CPNE7: variants seen among roughly 807,000 people sequenced by gnomAD.
The protein encoded by CPNE7 is copine-7.
CPNE7 carries 78 observed loss-of-function variants against 66.5 expected under a neutral mutation model. That is an observed-to-expected ratio of 1.17 (90% confidence interval 0.98 to 1.42). The LOEUF (loss-of-function observed/expected upper bound fraction) is 1.42. Ranked by LOEUF, CPNE7 falls within the 40% of genes most tolerant of loss-of-function variation. The pLI is 0.00. For missense variants in CPNE7, 1,012 were observed against 776.6 expected (o/e 1.30, Z -3.60); for synonymous variants, 468 against 336.7 (o/e 1.39, Z -4.27).
chr16:89,591,536 C>T lies in CPNE7; in HGVS notation c.1302+276C>T, dbSNP rs73264937. ...TCTTCCTCTGGGCACCACAAGGCCGCGCACATGTCTACTGTTTGGCTGTGT... is the reference window on the plus strand; with the variant it reads ...TCTTCCTCTGGGCACCACAAGGCCGTGCACATGTCTACTGTTTGGCTGTGT... On this transcript the variant is annotated intron_variant, in intron 13 of 14. Coordinates refer to ENST00000319518, the MANE Select transcript of CPNE7 (RefSeq NM_153636.3). Among the ~76,000 whole-genome samples the T allele has an allele frequency of 4.8e-3, 726 of 152,314 alleles. 10 individuals are homozygous for T. The highest frequency in any genetic ancestry group is 0.017 in the African/African-American group (704 of 41,558).
chr16:89,591,694 C>CT (rs2151457092), intron 13 of CPNE7, among the ~76,000 whole-genome samples: 1 of 152,154 alleles, frequency 6.6e-6, no homozygotes, highest in East Asian at 1.9e-4. Context: ...CTGCTGCTTT[C>CT]TTTTCTTTTC....
intron 10 of CPNE7, 54 bp from the exon 11 acceptor site, chr16:89,589,843 T>C (rs464349): frequency 0.54 from 867,052 of 1,598,050 alleles, 237,167 homozygotes; most frequent in South Asian, 0.66. Flanking sequence ...AAGTGGCCCC[T>C]GTTGCAGCCA....
Position 89,577,667 on chromosome 16 carries a change from C to A in CPNE7, c.303C>A (p.Gly101=). The A allele has an allele frequency of 6.3e-7, 1 of 1,599,790 alleles. No individual in the cohort carries two copies. Residue 101 remains glycine (G), a synonymous_variant, in exon 2 of 15, where the codon GGC becomes GGA. Coordinates refer to ENST00000319518, the MANE Select transcript of CPNE7 (RefSeq NM_153636.3). ...TGTACGACACGCATGGGCCCAGCGG[C>A]TTCAGCTGTCAGGAGGACGATTTCC... ...FEVYDTHGPS[G]FSCQEDDFLG... is the part of the protein sequence containing the mutation.
intron 11 of CPNE7, among the ~76,000 whole-genome samples, chr16:89,590,524 T>G (rs2059151145): frequency 6.6e-6 from 1 of 151,584 alleles, no homozygotes; most frequent in Non-Finnish European, 1.5e-5. Flanking sequence ...GACTCTGTTT[T>G]AAAAAAGAAA....
At chr16:89,593,292 C>T (rs191211010) in intron 13 of CPNE7, among the ~76,000 whole-genome samples, 1 of 152,014 alleles carries the variant, frequency 6.6e-6, no homozygotes, top group South Asian at 2.1e-4. Flanking sequence ...AAAAACTTGG[C>T]ACTGCACACA....
chr16:89,591,497 G>A (rs1020622067), intron 13 of CPNE7, among the ~76,000 whole-genome samples: 1 of 152,200 alleles, frequency 6.6e-6, no homozygotes, highest in Non-Finnish European at 1.5e-5. Flanking sequence ...GCTGCAGCGA[G>A]GCTGCCCCTC....
intron 2 of CPNE7, among the ~76,000 whole-genome samples, chr16:89,580,656 C>G (rs1379528726): frequency 7.4e-6 from 1 of 135,708 alleles, no homozygotes. Flanking sequence ...CATCACCCGT[C>G]ACATGGAACA....
intron 11 of CPNE7, among the ~76,000 whole-genome samples, chr16:89,590,401 T>C (rs2059149517): frequency 6.6e-6 from 1 of 151,992 alleles, no homozygotes; most frequent in East Asian, 1.9e-4. Context: ...GGCACATGCT[T>C]GTAATCCCAG....
chr16:89,596,729 A>G lies in CPNE7; in HGVS notation c.*108A>G. 2 of 1,273,900 alleles carry G rather than the reference A, an allele frequency of 1.6e-6. No homozygotes were observed. Among genetic ancestry groups the G allele is most frequent in the South Asian group, 3.6e-5 (2 of 55,348 alleles). 78.9% of individuals were successfully genotyped at this position (1,273,900 alleles called of 1,614,324 possible). A position where few individuals can be genotyped will look rare whatever the true frequency, so the allele number is the denominator to read the frequency against. On this transcript the variant is annotated 3_prime_UTR_variant, in exon 15 of 15. Transcript: ENST00000319518. Reference sequence around the variant, plus strand: ...TCCCTCCGACCTCCCAGAAGCCTCCAGTCCCCACCAGGCCCCACTCCCAGT... The same window carrying G: ...TCCCTCCGACCTCCCAGAAGCCTCCGGTCCCCACCAGGCCCCACTCCCAGT...
At chr16:89,593,437 C>T (rs1270523320) in intron 13 of CPNE7, among the ~76,000 whole-genome samples, 1 of 151,582 alleles carries the variant, frequency 6.6e-6, no homozygotes, top group African/African-American at 2.4e-5. Context: ...ACTGCAAGCT[C>T]CGCCTCCCGG....
chr16:89,596,959 G>A lies in CPNE7; in HGVS notation c.*338G>A, dbSNP rs73264949. ...GCAGGGACTGGGGGCTCTGCTTTGC[G>A]TCTAACCTTTGTGGGGGAGGGCCAG... On this transcript the variant is annotated 3_prime_UTR_variant, in exon 15 of 15. Transcript: ENST00000319518. The A allele has an allele frequency of 0.023, 4,925 of 216,418 alleles. 240 individuals are homozygous for A. Among genetic ancestry groups the A allele is most frequent in the African/African-American group, 0.11 (4,607 of 43,648 alleles). 13.4% of individuals were successfully genotyped at this position (216,418 alleles called of 1,614,324 possible).
intron 1 of CPNE7, among the ~76,000 whole-genome samples, chr16:89,576,471 G>A (rs1276119074): frequency 6.6e-6 from 1 of 152,014 alleles, no homozygotes; most frequent in African/African-American, 2.4e-5. Flanking sequence ...GAGGCTGGGC[G>A]GGAGCAGGCC....
Position 89,596,687 on chromosome 16 carries a change from C to G in CPNE7, c.*66C>G. 1 of 1,458,782 alleles carries G rather than the reference C, an allele frequency of 6.9e-7. No homozygotes were observed. The highest frequency in any genetic ancestry group is 1.4e-5 in the South Asian group (1 of 71,516). The allele number at this position is 1,458,782 out of a possible 1,614,324, so 90.4% of individuals were successfully genotyped here. ...CCGTACAGCCTCTGTCTGCAACATG[C>G]TTGGGGTCCCTTAAGCTCCCTCCGA... is the stretch of plus-strand genomic sequence containing the variant. On this transcript the variant is annotated 3_prime_UTR_variant, in exon 15 of 15. Coordinates refer to ENST00000319518, the MANE Select transcript of CPNE7 (RefSeq NM_153636.3).
chr16:89,576,747 G>A (rs1488759311), intron 1 of CPNE7, among the ~76,000 whole-genome samples: 2 of 152,286 alleles, frequency 1.3e-5, no homozygotes, highest in African/African-American at 2.4e-5. Flanking sequence ...GCTTTTCCCC[G>A]GCGCAGGGGT....
At chr16:89,585,648 C>T (rs965848528) in intron 6 of CPNE7, 39 bp from the exon 7 acceptor site, 3 of 1,549,314 alleles carry the variant, frequency 1.9e-6, no homozygotes, top group African/African-American at 1.4e-5. Flanking sequence ...GGTCCTGGGG[C>T]CCCCAGACAG....
intron 9 of CPNE7, chr16:89,587,657 C>T (rs1312878911): frequency 4.5e-6 from 2 of 442,132 alleles, no homozygotes; most frequent in Non-Finnish European, 9.2e-6. Context: ...GTGTCACCCC[C>T]ATGTCACCCG....
At position 89,595,429 on chromosome 16, in the gene CPNE7, G is replaced by A. The variant is rs752255891; in HGVS notation, c.1365G>A (p.Glu455=). 6.2e-7 allele frequency: 1 copy of A among 1,608,050 alleles called. No homozygotes were observed. The highest frequency in any genetic ancestry group is 1.7e-5 in the Admixed American group (1 of 59,838). The change falls in exon 14 of 15, where the codon GAG becomes GAA. Residue 455 remains glutamate (E), a synonymous_variant. Transcript: ENST00000319518. ...TGACCGACATGGCCGACACACGGGA[G>A]GCCATTGTGCGTGCCTCACGCCTGC... is the stretch of plus-strand genomic sequence containing the variant. The part of the protein sequence containing the change: ...GVVTDMADTR[E]AIVRASRLPM...
chr16:89,587,521 C>T lies in CPNE7; in HGVS notation c.927+419C>T, dbSNP rs115416056. 5.5e-3 allele frequency: 2,486 copies of T among 452,644 alleles called. 52 individuals carry two copies. Among genetic ancestry groups the T allele is most frequent in the African/African-American group, 0.046 (2,271 of 49,022 alleles). 28.0% of individuals were successfully genotyped at this position (452,644 alleles called of 1,614,324 possible). ...AGCCCGCCTTGGGAGGTGACATCAC[C>T]AGGGCTTACCTTCCACAAACACATT... On this transcript the variant is annotated intron_variant, in intron 9 of 14. Coordinates refer to ENST00000319518, the MANE Select transcript of CPNE7 (RefSeq NM_153636.3).
intron 11 of CPNE7, among the ~76,000 whole-genome samples, chr16:89,590,307 C>T (rs780445481): frequency 1.3e-5 from 2 of 152,152 alleles, no homozygotes; most frequent in Non-Finnish European, 2.9e-5. Flanking sequence ...GGCCGATTAC[C>T]TGAGGTCAGG....
Sources: gnomAD v4.1 joint callset for allele counts (sites outside exome capture counted in the v4.1 genomes callset) on GRCh38, gnomAD v4.1.1 for gene constraint, MANE v1.5 for transcripts, NCBI Gene and HGNC (gene_info 2026-07-23, HGNC 2026-07-21) for gene names.